The following ELMO1 variants were observed in gnomAD, a reference collection of about 807,000 sequenced individuals.
The protein encoded by ELMO1 is engulfment and cell motility 1, also known as engulfment and cell motility protein 1.
In ELMO1, 26 loss-of-function variants were observed where a neutral mutation model predicts 98.9. That is an observed-to-expected ratio of 0.26 (90% CI 0.19 to 0.36). The LOEUF is 0.36. Among genes scored for constraint, ELMO1 ranks in the 10% least tolerant of loss-of-function variants. The pLI is 1.00. For synonymous variants in ELMO1, 346 were observed against 346.0 expected, an observed-to-expected ratio of 1.00 and a Z score of 0.00; for missense variants, 627 against 935.2, an observed-to-expected ratio of 0.67 and a Z score of 4.30.
intron 1 of ELMO1, among the ~76,000 whole-genome samples, chr7:37,348,229 A>G (rs995107755): frequency 3.9e-5 from 6 of 152,230 alleles, no homozygotes; most frequent in Admixed American, 1.3e-4. Context: ...ATTGCCCAGT[A>G]AAATACCAGC....
chr7:36,903,934 C>T (rs764093247), intron 16 of ELMO1, among the ~76,000 whole-genome samples: 6 of 152,248 alleles, frequency 3.9e-5, no homozygotes, highest in Non-Finnish European at 8.8e-5. Flanking sequence ...ACTGTGCCTG[C>T]TCTCAGCCTG....
intron 16 of ELMO1, among the ~76,000 whole-genome samples, chr7:36,982,077 T>C (rs1238232414): frequency 2.0e-5 from 3 of 152,228 alleles, no homozygotes; most frequent in African/African-American, 7.2e-5. Context: ...ACTGTGCAGC[T>C]GAATTGTAAA....
chr7:37,144,002 C>T (rs1019032137), intron 13 of ELMO1, among the ~76,000 whole-genome samples: 17 of 152,058 alleles, frequency 1.1e-4, no homozygotes, highest in African/African-American at 3.6e-4. Context: ...TGAGCCACCG[C>T]GACTGGCCTA....
chr7:37,373,608 CA>C (rs59651126), intron 1 of ELMO1, among the ~76,000 whole-genome samples: 19,644 of 133,476 alleles, frequency 0.15, 1,547 homozygotes, highest in African/African-American at 0.23. Context: ...GACTCCATCT[CA>C]AAAAAAAAAA....
intron 17 of ELMO1, among the ~76,000 whole-genome samples, chr7:36,891,494 C>G (rs1244324543): frequency 1.3e-5 from 2 of 152,140 alleles, no homozygotes; most frequent in East Asian, 3.8e-4. Context: ...TTCTATTGTC[C>G]TTTCTAAGAC....
chr7:36,984,444 G>C (rs952067646), intron 16 of ELMO1, among the ~76,000 whole-genome samples: 3 of 152,148 alleles, frequency 2.0e-5, no homozygotes, highest in Non-Finnish European at 4.4e-5. Flanking sequence ...AGAGTAGAAG[G>C]TCTCTCCCAG....
intron 16 of ELMO1, among the ~76,000 whole-genome samples, chr7:36,956,533 C>A (rs1788459456): frequency 6.6e-6 from 1 of 152,092 alleles, no homozygotes; most frequent in Non-Finnish European, 1.5e-5. Context: ...CCAAAATAGG[C>A]TAGACTGCAT....
At chr7:37,160,871 G>C (rs1185491749) in intron 13 of ELMO1, among the ~76,000 whole-genome samples, 1 of 152,146 alleles carries the variant, frequency 6.6e-6, no homozygotes, top group African/African-American at 2.4e-5. Flanking sequence ...CAGACATAGG[G>C]GGCAGCACAG....
At chr7:37,321,729 A>AAAAAAAAAAAAAAAAAAAAAAAC (rs1306951906) in intron 2 of ELMO1, among the ~76,000 whole-genome samples, 1 of 150,280 alleles carries the variant, frequency 6.7e-6, no homozygotes, top group African/African-American at 2.5e-5. Flanking sequence ...AAAAAAAAAA[A>AAAAAAAAAAAAAAAAAAAAAAAC]AAAAAAAAAC....
rs544458939 is a variant in ELMO1 at position 37,237,350 on chromosome 7, C to T, written c.450-4156G>A. 1.2e-4 allele frequency among the ~76,000 whole-genome samples: 18 copies of T among 152,220 alleles called. No homozygotes were observed. In the South Asian group the frequency reaches 2.5e-3, roughly 21 times the overall value. On this transcript the variant is annotated intron_variant, in intron 7 of 21. Transcript: ENST00000310758. ...TTTTGCCCAGGCTGGAGTGCAGTAG[C>T]GCGATCTCAGCTCATTGCAACCTCC...
intron 13 of ELMO1, among the ~76,000 whole-genome samples, chr7:37,157,335 G>C (rs894030298): frequency 6.6e-6 from 1 of 152,148 alleles, no homozygotes; most frequent in African/African-American, 2.4e-5. Context: ...GCAGGAGAAA[G>C]AAATAAAGGC....
chr7:36,964,909 A>G (rs983341897), intron 16 of ELMO1, among the ~76,000 whole-genome samples: 2 of 152,184 alleles, frequency 1.3e-5, no homozygotes, highest in Non-Finnish European at 2.9e-5. Context: ...AAAAATACTG[A>G]GTTTCCATCA....
chr7:37,343,487 CTTTTTTTTTTTTT>C (rs10571805), intron 1 of ELMO1, among the ~76,000 whole-genome samples: 2 of 92,800 alleles, frequency 2.2e-5, no homozygotes, highest in East Asian at 6.2e-4. Context: ...TAGCCCATTT[CTTTTTTTTTTTTT>C]TTTTTTTTTT....
chr7:36,974,025 A>G lies in ELMO1; in HGVS notation c.1437+39274T>C, dbSNP rs561211928. 4.3e-3 allele frequency among the ~76,000 whole-genome samples: 652 copies of G among 152,026 alleles called. 11 individuals are homozygous for G. The highest frequency in any genetic ancestry group is 0.015 in the African/African-American group (622 of 41,476). ...CCCGCCATGCCTGAGCCTCCCCCCC[A>G]CTCCGTGGGCTCCTGTGCGTCTGGA... On this transcript the variant is annotated intron_variant, in intron 16 of 21. Coordinates refer to ENST00000310758, the MANE Select transcript of ELMO1 (RefSeq NM_014800.11).
intron 15 of ELMO1, among the ~76,000 whole-genome samples, chr7:37,071,195 A>G (rs977497117): frequency 2.6e-5 from 4 of 152,206 alleles, no homozygotes; most frequent in African/African-American, 9.6e-5. Flanking sequence ...AACAAAAGAA[A>G]CAAAGAAAAC....
rs749577861 is a variant in ELMO1 at position 37,267,026 on chromosome 7, A to AT, written c.243+4805_243+4806insA. ...AGACTCCATCTAAAAAAAAAAAAAA[A>AT]ATATGTATATATACACACACACACA... On this transcript the variant is annotated intron_variant, in intron 5 of 21. Transcript: ENST00000310758. Among the ~76,000 whole-genome samples the AT allele has an allele frequency of 5.8e-3, 611 of 104,636 alleles. 62 individuals carry two copies. The highest frequency in any genetic ancestry group is 0.013 in the Middle Eastern group (3 of 224). The allele number at this position is 104,636 out of a possible 152,430, so 68.6% of individuals were successfully genotyped here. A position where few individuals can be genotyped will look rare whatever the true frequency, so the allele number is the denominator to read the frequency against.
At position 37,196,592 on chromosome 7, in the gene ELMO1, G is replaced by A. The variant is rs184487783; in HGVS notation, c.1086+14794C>T. ...CTCAAGGACTCCAAGGGAGTGGGGG[G>A]TGTCCTTGGCATGGGAGGCTAGAAA... On this transcript the variant is annotated intron_variant, in intron 13 of 21. Transcript: ENST00000310758. Among the ~76,000 whole-genome samples, 262 of 152,284 alleles carry A rather than the reference G, an allele frequency of 1.7e-3. 1 individual carries two copies. The highest frequency in any genetic ancestry group is 0.015 in the South Asian group (71 of 4,824).
intron 4 of ELMO1, among the ~76,000 whole-genome samples, chr7:37,306,739 T>C (rs1180136646): frequency 6.6e-6 from 1 of 152,010 alleles, no homozygotes; most frequent in Non-Finnish European, 1.5e-5. Context: ...AGCTTTGCTA[T>C]CAAAAAAATA....
intron 15 of ELMO1, among the ~76,000 whole-genome samples, chr7:37,022,937 T>G (rs1379961939): frequency 6.6e-6 from 1 of 152,244 alleles, no homozygotes; most frequent in East Asian, 1.9e-4. Context: ...ATGAGTGTAT[T>G]CAAATAACTT....
Sources: allele counts gnomAD v4.1 joint callset (sites outside exome capture counted in the v4.1 genomes callset), GRCh38; gene constraint gnomAD v4.1.1; transcripts MANE v1.5; gene names NCBI Gene and HGNC (gene_info 2026-07-23, HGNC 2026-07-21).